MAPK10: variants seen among roughly 807,000 people sequenced by gnomAD.
MAPK10 encodes mitogen-activated protein kinase 10.
MAPK10 carries 25 observed loss-of-function variants against 59.3 expected under a neutral mutation model. That is an observed-to-expected ratio of 0.42 (90% CI 0.31 to 0.59). The LOEUF (loss-of-function observed/expected upper bound fraction) is 0.59. Among genes scored for constraint, MAPK10 ranks in the 20% least tolerant of loss-of-function variants. The probability of loss-of-function intolerance (pLI) is 0.15; values close to 1 mark genes in which losing one functional copy is unlikely to be tolerated. For missense variants in MAPK10, 351 were observed against 568.9 expected (o/e 0.62, Z 3.90); for synonymous variants, 190 against 200.5 (o/e 0.95, Z 0.44).
intron 1 of MAPK10, among the ~76,000 whole-genome samples, chr4:86,438,144 C>T (rs933975025): frequency 5.9e-5 from 9 of 152,076 alleles, no homozygotes; most frequent in African/African-American, 2.2e-4. Flanking sequence ...TGAATTACTA[C>T]TAATATTCTA....
chr4:86,475,812 C>T (rs1238503284), intron 1 of MAPK10, among the ~76,000 whole-genome samples: 1 of 152,010 alleles, frequency 6.6e-6, no homozygotes, highest in East Asian at 1.9e-4. Flanking sequence ...TTTCTCTGGG[C>T]TTGCCTCCTT....
At chr4:86,548,691 A>G (rs1400075231) in intron 1 of MAPK10, among the ~76,000 whole-genome samples, 1 of 152,100 alleles carries the variant, frequency 6.6e-6, no homozygotes, top group African/African-American at 2.4e-5. Context: ...TCTTTTCTTT[A>G]TATACTTTGG....
At chr4:86,060,514 T>A (rs935385192) in intron 11 of MAPK10, among the ~76,000 whole-genome samples, 4 of 152,216 alleles carry the variant, frequency 2.6e-5, no homozygotes, top group Admixed American at 1.3e-4. Flanking sequence ...TTAAGGCTTA[T>A]CTGTAGCTCC....
chr4:86,075,593 T>A (rs1370724415), intron 9 of MAPK10, among the ~76,000 whole-genome samples: 1 of 152,234 alleles, frequency 6.6e-6, no homozygotes. Context: ...CCTTTCTGTT[T>A]GTTAGTTTTC....
intron 1 of MAPK10, among the ~76,000 whole-genome samples, chr4:86,500,527 T>C (rs1755227990): frequency 6.6e-6 from 1 of 152,092 alleles, no homozygotes; most frequent in South Asian, 2.1e-4. Flanking sequence ...ACTTTGGGGG[T>C]TTTGTTGTAA....
intron 12 of MAPK10, among the ~76,000 whole-genome samples, chr4:86,030,533 A>G (rs1326412737): frequency 3.3e-5 from 5 of 151,750 alleles, no homozygotes; most frequent in Admixed American, 6.6e-5. Context: ...GGGTCTCCCT[A>G]TGTTGCCCAG....
chr4:86,564,259 C>T (rs1760898144), intron 1 of MAPK10, among the ~76,000 whole-genome samples: 1 of 152,192 alleles, frequency 6.6e-6, no homozygotes, highest in Admixed American at 6.5e-5. Flanking sequence ...ATCTAAACTA[C>T]TTCTTTTTTG....
At chr4:86,326,851 C>G (rs1053584759) in intron 2 of MAPK10, 6 of 152,222 alleles carry the variant, frequency 3.9e-5, no homozygotes, top group African/African-American at 1.4e-4. Context: ...TAAATCTACA[C>G]TGTAAGTATT....
At chr4:86,198,675 A>G (rs1355974827) in intron 2 of MAPK10, among the ~76,000 whole-genome samples, 1 of 151,986 alleles carries the variant, frequency 6.6e-6, no homozygotes, top group Non-Finnish European at 1.5e-5. Context: ...TCTGTGAAAT[A>G]AGTCATAAAT....
chr4:86,255,650 CT>C (rs1455924047), intron 2 of MAPK10, among the ~76,000 whole-genome samples: 2 of 145,968 alleles, frequency 1.4e-5, no homozygotes, highest in Non-Finnish European at 3.0e-5. Flanking sequence ...TTCTGTTTAA[CT>C]TTTTTTCAAT....
intron 11 of MAPK10, among the ~76,000 whole-genome samples, chr4:86,060,796 A>C (rs1428599066): frequency 6.6e-6 from 1 of 152,202 alleles, no homozygotes; most frequent in African/African-American, 2.4e-5. Context: ...CATTAAACAA[A>C]AGAAAATGAA....
chr4:86,534,093 C>T (rs1758047164), intron 1 of MAPK10, among the ~76,000 whole-genome samples: 1 of 152,046 alleles, frequency 6.6e-6, no homozygotes, highest in Admixed American at 6.5e-5. Flanking sequence ...ACTTGTCTTC[C>T]CCACCACATA....
rs551943334 is a variant in MAPK10 at position 86,052,232 on chromosome 4, G to A, written c.1110+12034C>T. On this transcript the variant is annotated intron_variant, in intron 11 of 13. Transcript: ENST00000641462. The stretch of plus-strand genomic sequence containing the variant: ...TTTAATACAAATTTTAAAATTACCC[G>A]AAGACAATAAATTATTTCCTAAAAC... 1.2e-3 allele frequency among the ~76,000 whole-genome samples: 187 copies of A among 152,036 alleles called. 1 individual carries two copies. The Middle Eastern group carries it at 0.037, about 30-fold the overall frequency.
chr4:86,077,932 A>G (rs2149023961), intron 9 of MAPK10, among the ~76,000 whole-genome samples: 1 of 152,338 alleles, frequency 6.6e-6, no homozygotes, highest in East Asian at 1.9e-4. Context: ...TGTCTGCAAC[A>G]GATGCACAAT....
At chr4:86,416,199 T>C (rs1745840176) in intron 1 of MAPK10, among the ~76,000 whole-genome samples, 1 of 152,180 alleles carries the variant, frequency 6.6e-6, no homozygotes, top group Non-Finnish European at 1.5e-5. Flanking sequence ...AGTATTCACA[T>C]GCACAAGGAA....
At chr4:86,131,675 T>C (rs963781758) in intron 4 of MAPK10, among the ~76,000 whole-genome samples, 1 of 152,186 alleles carries the variant, frequency 6.6e-6, no homozygotes, top group African/African-American at 2.4e-5. Flanking sequence ...TCAGCATAAA[T>C]CCTGTTTGTA....
chr4:86,416,516 G>C (rs1475582503), intron 1 of MAPK10, among the ~76,000 whole-genome samples: 2 of 152,190 alleles, frequency 1.3e-5, no homozygotes, highest in Non-Finnish European at 1.5e-5. Flanking sequence ...AAGGATGGAA[G>C]GATACTTCCT....
At chr4:86,372,556 G>GAAAA (rs1554253715) in intron 1 of MAPK10, among the ~76,000 whole-genome samples, 1 of 11,182 alleles carries the variant, frequency 8.9e-5, no homozygotes, top group Non-Finnish European at 2.6e-4. Context: ...AAGAAAGAAA[G>GAAAA]AAAGAAAGAA....
At chr4:86,098,623 GA>G in intron 8 of MAPK10, 28 bp from the exon 9 acceptor site, 2 of 1,511,164 alleles carry the variant, frequency 1.3e-6, no homozygotes, top group South Asian at 1.1e-5. Context: ...GGGTAGTGAA[GA>G]AAAGGGAGGA....
Sources: allele counts gnomAD v4.1 joint callset (sites outside exome capture counted in the v4.1 genomes callset), GRCh38; gene constraint gnomAD v4.1.1; transcripts MANE v1.5; gene names NCBI Gene and HGNC (gene_info 2026-07-23, HGNC 2026-07-21).